MYOM1: variants seen among roughly 807,000 people sequenced by gnomAD.
MYOM1 encodes the protein myomesin-1.
Under a neutral mutation model 205.3 loss-of-function variants are expected in MYOM1, and 164 were observed. The ratio of observed to expected loss-of-function variants is 0.80; its 90% CI spans 0.70 to 0.91. MYOM1 has a LOEUF of 0.91. Among genes scored for constraint, MYOM1 ranks in the 40% least tolerant of loss-of-function variants. The pLI, the probability that MYOM1 is intolerant of heterozygous loss-of-function variation, is 0.00. For synonymous variants in MYOM1, 772 were observed against 789.4 expected, an observed-to-expected ratio of 0.98 and a Z score of 0.37; for missense variants, 2,011 against 2,127.3, an observed-to-expected ratio of 0.95 and a Z score of 1.08.
In MYOM1 at chr18:3,187,140, T is replaced by A. The variant is rs185582027; in HGVS notation, c.929+340A>T. The stretch of plus-strand genomic sequence containing the variant: ...TTGTGTAAAGTTCATTGCTGGAAGC[T>A]GATTTTTACCTAACTTTTATCATCC... On this transcript the variant is annotated intron_variant, in intron 5 of 37. Transcript: ENST00000356443. Among the ~76,000 whole-genome samples the A allele has an allele frequency of 2.7e-3, 409 of 152,328 alleles. 3 individuals carry two copies. The highest frequency in any genetic ancestry group is 9.1e-3 in the African/African-American group (380 of 41,586).
the MYOM1 span, among the ~76,000 whole-genome samples, chr18:3,238,484 T>G: frequency 1.4e-5 from 2 of 146,684 alleles, no homozygotes; most frequent in East Asian, 2.1e-4. Flanking sequence ...GGTGGGGGGG[T>G]GGGGGCATCG....
chr18:3,246,423 T>C, the MYOM1 span: 1 of 152,156 alleles, frequency 6.6e-6, no homozygotes, highest in Admixed American at 6.5e-5. Flanking sequence ...GACGCAATTA[T>C]TTTTATTTTT....
intron 36 of MYOM1, among the ~76,000 whole-genome samples, chr18:3,075,127 A>G (rs770347456): frequency 2.0e-5 from 3 of 152,068 alleles, no homozygotes; most frequent in Non-Finnish European, 4.4e-5. Context: ...CTTTTCTCCA[A>G]TATATACATA....
At chr18:3,177,661 T>C (rs1187011399) in intron 5 of MYOM1, among the ~76,000 whole-genome samples, 2 of 152,014 alleles carry the variant, frequency 1.3e-5, no homozygotes, top group African/African-American at 4.8e-5. Context: ...TTAGTACAGA[T>C]GGGGTTTCAC....
chr18:3,082,917 G>A (rs1276523767), intron 33 of MYOM1, among the ~76,000 whole-genome samples: 2 of 152,192 alleles, frequency 1.3e-5, no homozygotes, highest in South Asian at 2.1e-4. Context: ...TCTGCCAGAT[G>A]CTATAACAAC....
intron 10 of MYOM1, among the ~76,000 whole-genome samples, chr18:3,163,779 C>G (rs1163329761): frequency 1.3e-5 from 2 of 151,674 alleles, no homozygotes; most frequent in Non-Finnish European, 2.9e-5. Flanking sequence ...CGAACATATT[C>G]TTATTCAATG....
chr18:3,169,959 C>T (rs1169350796), intron 8 of MYOM1, among the ~76,000 whole-genome samples: 1 of 151,528 alleles, frequency 6.6e-6, no homozygotes, highest in African/African-American at 2.4e-5. Context: ...GAATGTTATT[C>T]AGCAAAAAAA....
Position 3,142,009 on chromosome 18 carries a change from C to A in MYOM1, c.1955G>T (p.Ser652Ile), listed in dbSNP as rs752331737. Residue 652 changes from serine (S) to isoleucine (I), a missense_variant, in exon 14 of 38, where the codon AGC (serine) becomes ATC (isoleucine). Ser to Ile is a moderately radical substitution (Grantham distance 142). Transcript: ENST00000356443. ...GGGCTTCCAGCTGAGCACCACATAG[C>A]TCCGGGTGGCCTCAGTGACAGAGAG... ...TDLSVTEATR[S>I]YVVLSWKPPG... 3 of 1,613,826 alleles carry A rather than the reference C, an allele frequency of 1.9e-6. No individual in the cohort carries two copies. The highest frequency in any genetic ancestry group is 2.5e-6 in the Non-Finnish European group (3 of 1,179,816).
the MYOM1 span, among the ~76,000 whole-genome samples, chr18:3,243,087 G>C: frequency 6.6e-6 from 1 of 151,994 alleles, no homozygotes; most frequent in Non-Finnish European, 1.5e-5. Flanking sequence ...TCTGACTAAA[G>C]TTTTTTAAAA....
Position 3,135,728 on chromosome 18 carries a change from A to T in MYOM1, c.2028T>A (p.Cys676Ter). 6.2e-7 allele frequency: 1 copy of T among 1,613,768 alleles called. No individual in the cohort carries two copies. Among genetic ancestry groups the T allele is most frequent in the Non-Finnish European group, 8.5e-7 (1 of 1,179,814 alleles). ...HEGIMYFVEK[C>*]EAGTENWQRV... is the part of the protein sequence containing the mutation. ...GCTGCCAGTTTTCTGTTCCTGCCTC[A>T]CACTGCAGCAAGAACAGGGAAACCC... Residue 676 changes from cysteine to a stop codon, truncating the protein, a stop_gained and splice_region_variant, in exon 15 of 38, where the codon TGT becomes TGA. Transcript: ENST00000356443. LOFTEE classifies it high-confidence loss of function. This position sits in a 1 kb window ranked among gnomAD's most constrained non-coding sequence, Gnocchi z 4.1.
chr18:3,117,297 G>T (rs1206291585), intron 20 of MYOM1, among the ~76,000 whole-genome samples: 5 of 152,222 alleles, frequency 3.3e-5, no homozygotes. Context: ...CTCCCAATTG[G>T]AGGAAAATCT....
At position 3,131,505 on chromosome 18, in the gene MYOM1, A is replaced by G. The variant is rs199829674; in HGVS notation, c.2385-9T>C. 3.6e-4 allele frequency: 581 copies of G among 1,608,666 alleles called. 1 individual carries two copies. Among genetic ancestry groups the G allele is most frequent in the Non-Finnish European group, 4.4e-4 (524 of 1,177,856 alleles). ...ATCCATGACAAGTGAATCTAAAAGGAAAACAAGTTTTAAAAAATTTTCCTA... is the reference window on the plus strand; with the variant it reads ...ATCCATGACAAGTGAATCTAAAAGGGAAACAAGTTTTAAAAAATTTTCCTA... On this transcript the variant is annotated splice_polypyrimidine_tract_variant and intron_variant, in intron 16 of 37. Transcript: ENST00000356443.
chr18:3,071,992 C>T (rs1404518878), intron 36 of MYOM1, 103 bp from the exon 37 acceptor site: 2 of 951,340 alleles, frequency 2.1e-6, no homozygotes, highest in East Asian at 5.3e-5. Flanking sequence ...GTTTCCTTCT[C>T]CTGATAGTTC....
chr18:3,124,520 A>G (rs9966750), intron 19 of MYOM1, among the ~76,000 whole-genome samples: 79,536 of 150,930 alleles, frequency 0.53, 21,505 homozygotes, highest in East Asian at 0.91. Context: ...TAGTAGAGAC[A>G]GGGTTTCACC....
chr18:3,129,284 C>A lies in MYOM1; in HGVS notation c.2742G>T (p.Ala914=), dbSNP rs773247406. 13 of 1,613,870 alleles carry A rather than the reference C, an allele frequency of 8.1e-6. No individual in the cohort carries two copies. The Admixed American group carries it at 1.5e-4, about 19-fold the overall frequency. ...CAGACTTACTTTTCCCCTGAGGAGC[C>A]GCTTTCTGTGGTGGCGGGGTAAGCT... ...QEELTPPPQK[A]APQGKSKSDP... is the part of the protein sequence containing the mutation. The change falls in exon 18 of 38, where the codon GCG becomes GCT. Residue 914 remains alanine, a synonymous_variant. Transcript: ENST00000356443.
chr18:3,192,964 G>GT (rs111909533), intron 3 of MYOM1, among the ~76,000 whole-genome samples: 9 of 151,162 alleles, frequency 6.0e-5, no homozygotes, highest in East Asian at 1.9e-4. Context: ...GTCATCTTGG[G>GT]TTTTTTTTTA....
chr18:3,123,250 T>TA (rs1356113966), intron 19 of MYOM1, among the ~76,000 whole-genome samples: 1 of 152,176 alleles, frequency 6.6e-6, no homozygotes, highest in African/African-American at 2.4e-5. Flanking sequence ...GATATGAATA[T>TA]ACATAGACTC....
chr18:3,198,176 G>A (rs2081017326), intron 2 of MYOM1, among the ~76,000 whole-genome samples: 1 of 152,142 alleles, frequency 6.6e-6, no homozygotes, highest in Non-Finnish European at 1.5e-5. Flanking sequence ...GGTTCACTAG[G>A]ATGAATAAAT....
At chr18:3,218,352 GT>G (rs2081294593) in intron 1 of MYOM1, among the ~76,000 whole-genome samples, 1 of 152,144 alleles carries the variant, frequency 6.6e-6, no homozygotes, top group African/African-American at 2.4e-5. Context: ...TCTTTGTCAA[GT>G]TTAAAACTAC....
Sources: allele counts gnomAD v4.1 joint callset (sites outside exome capture counted in the v4.1 genomes callset), GRCh38; gene constraint gnomAD v4.1.1; non-coding constraint Gnocchi (gnomAD v3.1); transcripts MANE v1.5; gene names NCBI Gene and HGNC (gene_info 2026-07-23, HGNC 2026-07-21).